The following HYCC2 variants were observed in gnomAD, a reference collection of about 807,000 sequenced individuals.
HYCC2 encodes the protein hyccin PI4KA lipid kinase complex subunit 2.
the HYCC2 span, among the ~76,000 whole-genome samples, chr2:201,057,010 G>C: frequency 7.3e-3 from 1,105 of 152,330 alleles, 16 homozygotes; most frequent in African/African-American, 0.025. Context: ...ACATTGTCAA[G>C]TGTGCCCCTG....
chr2:201,046,544 T>A, the HYCC2 span, among the ~76,000 whole-genome samples: 1 of 152,242 alleles, frequency 6.6e-6, no homozygotes, highest in Non-Finnish European at 1.5e-5. Context: ...ACTCTCTTTT[T>A]GTACCTTGGG....
At chr2:201,068,350 T>C in the HYCC2 span, among the ~76,000 whole-genome samples, 1 of 152,116 alleles carries the variant, frequency 6.6e-6, no homozygotes, top group Non-Finnish European at 1.5e-5. Flanking sequence ...TATTGAGCTA[T>C]AAAAGTATTA....
chr2:200,991,483 C>T, the HYCC2 span, among the ~76,000 whole-genome samples: 47 of 151,752 alleles, frequency 3.1e-4, no homozygotes, highest in African/African-American at 1.1e-3. Context: ...GCAGGAGAAT[C>T]GCTTGAACCC....
chr2:201,038,684 A>T, the HYCC2 span, among the ~76,000 whole-genome samples: 2 of 152,058 alleles, frequency 1.3e-5, no homozygotes, highest in African/African-American at 4.8e-5. Flanking sequence ...ATAGGTGGGA[A>T]TTGGAACAAT....
chr2:201,059,465 G>T, the HYCC2 span, among the ~76,000 whole-genome samples: 8 of 152,090 alleles, frequency 5.3e-5, no homozygotes, highest in African/African-American at 1.9e-4. Context: ...GAGATTGGTG[G>T]CTAGGCAGAT....
At chr2:201,015,194 T>C in the HYCC2 span, among the ~76,000 whole-genome samples, 5 of 152,316 alleles carry the variant, frequency 3.3e-5, no homozygotes, top group Non-Finnish European at 7.4e-5. Context: ...AAAGGTGCCT[T>C]GTGCTGCCCA....
chr2:200,997,605 G>A, the HYCC2 span: 1 of 980,754 alleles, frequency 1.0e-6, no homozygotes, highest in South Asian at 1.3e-5. Flanking sequence ...AACTGGTTAT[G>A]ACAATGCCTT....
At chr2:201,054,233 C>T in the HYCC2 span, among the ~76,000 whole-genome samples, 1 of 152,212 alleles carries the variant, frequency 6.6e-6, no homozygotes, top group Non-Finnish European at 1.5e-5. Flanking sequence ...TTTTCCAATT[C>T]TACTGGGAGA....
the HYCC2 span, among the ~76,000 whole-genome samples, chr2:201,043,138 C>G: frequency 5.7e-4 from 87 of 152,264 alleles, no homozygotes; most frequent in African/African-American, 2.0e-3. Context: ...CCCCCAACCC[C>G]GTGCTCTCTG....
the HYCC2 span, among the ~76,000 whole-genome samples, chr2:201,060,591 T>G: frequency 6.6e-6 from 1 of 152,242 alleles, no homozygotes; most frequent in Non-Finnish European, 1.5e-5. Flanking sequence ...AAGCAGCCTG[T>G]GCCCTTGACA....
chr2:200,989,977 T>C, the HYCC2 span, among the ~76,000 whole-genome samples: 1 of 152,230 alleles, frequency 6.6e-6, no homozygotes, highest in Admixed American at 6.5e-5. Flanking sequence ...GAGACAACTA[T>C]TATAGCATTT....
the HYCC2 span, among the ~76,000 whole-genome samples, chr2:201,056,169 G>A: frequency 6.6e-6 from 1 of 151,822 alleles, no homozygotes. Context: ...ACTCCAACCT[G>A]GGCAAGAGTG....
At chr2:201,010,357 T>C in the HYCC2 span, among the ~76,000 whole-genome samples, 40 of 152,238 alleles carry the variant, frequency 2.6e-4, no homozygotes, top group South Asian at 2.1e-4. Context: ...GACAGGAAAA[T>C]AGAATACAAT....
At chr2:201,046,752 T>G in the HYCC2 span, among the ~76,000 whole-genome samples, 1,719 of 152,252 alleles carry the variant, frequency 0.011, 17 homozygotes, top group Non-Finnish European at 0.017. Context: ...TTATTAAACT[T>G]TAAGACAACC....
chr2:200,981,208 T>C, the HYCC2 span: 1 of 1,557,590 alleles, frequency 6.4e-7, no homozygotes, highest in African/African-American at 1.4e-5. The surrounding 1 kb of genome is among the most constrained non-coding windows in gnomAD (Gnocchi z 4.5). Context: ...ATGAAGTGTC[T>C]TCTTGCACAA....
At chr2:200,995,264 A>AT in the HYCC2 span, among the ~76,000 whole-genome samples, 11 of 152,298 alleles carry the variant, frequency 7.2e-5, no homozygotes, top group South Asian at 2.3e-3. Context: ...GGCAAAATTA[A>AT]TAAGTTTTGT....
chr2:200,980,677 G>C, the HYCC2 span: 1 of 153,704 alleles, frequency 6.5e-6, no homozygotes, highest in East Asian at 1.9e-4. Context: ...AAGGAGATGG[G>C]GGGGTGGAGA....
the HYCC2 span, among the ~76,000 whole-genome samples, chr2:201,062,037 C>G: frequency 7.5e-4 from 114 of 151,768 alleles, no homozygotes; most frequent in Non-Finnish European, 1.0e-3. Context: ...CCTGGGAGGT[C>G]GAGGCTGCAG....
At chr2:201,059,335 T>C in the HYCC2 span, among the ~76,000 whole-genome samples, 1,202 of 152,290 alleles carry the variant, frequency 7.9e-3, 16 homozygotes, top group African/African-American at 0.027. Context: ...TAAGGATATA[T>C]GCAGAATCCA....
Sources: gnomAD v4.1 joint callset for allele counts (sites outside exome capture counted in the v4.1 genomes callset) on GRCh38, gnomAD v4.1.1 for gene constraint, Gnocchi (gnomAD v3.1) non-coding constraint, MANE v1.5 for transcripts, NCBI Gene and HGNC (gene_info 2026-07-23, HGNC 2026-07-21) for gene names.